SULF1: variants seen among roughly 807,000 people sequenced by gnomAD.
SULF1 encodes sulfatase 1.
A neutral mutation model predicts 110.5 loss-of-function variants in SULF1; 46 were observed. That is an observed-to-expected ratio of 0.42 (90% CI 0.33 to 0.53). The LOEUF (loss-of-function observed/expected upper bound fraction) is 0.53, where lower values mean the gene tolerates loss of function less well. Among genes scored for constraint, SULF1 ranks in the 20% least tolerant of loss-of-function variants. The pLI, the probability that SULF1 is intolerant of heterozygous loss-of-function variation, is 0.12. For synonymous variants in SULF1, 371 were observed against 387.1 expected (o/e 0.96, Z 0.49); for missense variants, 941 against 1,094.2 (o/e 0.86, Z 1.98).
intron 6 of SULF1, among the ~76,000 whole-genome samples, 200 bp from the exon 7 acceptor site, chr8:69,586,157 T>C (rs1806446033): frequency 6.6e-6 from 1 of 152,250 alleles, no homozygotes; most frequent in African/African-American, 2.4e-5. Context: ...TGGATACTAC[T>C]TCTATTTATT....
At chr8:69,532,906 A>T (rs1279927672) in intron 3 of SULF1, among the ~76,000 whole-genome samples, 4 of 152,170 alleles carry the variant, frequency 2.6e-5, no homozygotes, top group Admixed American at 2.6e-4. Context: ...TAGGTATCTC[A>T]TATAAGTGAA....
intron 22 of SULF1, among the ~76,000 whole-genome samples, chr8:69,644,852 G>A (rs1325145212): frequency 2.0e-5 from 3 of 151,752 alleles, no homozygotes; most frequent in Non-Finnish European, 2.9e-5. Context: ...ACAAACCTGC[G>A]CTGTCCTGAT....
chr8:69,550,557 C>A (rs542997632), intron 3 of SULF1, among the ~76,000 whole-genome samples: 1 of 151,490 alleles, frequency 6.6e-6, no homozygotes, highest in Non-Finnish European at 1.5e-5. Flanking sequence ...GAGGAGCTGG[C>A]GATAAAATGA....
intron 1 of SULF1, among the ~76,000 whole-genome samples, chr8:69,467,763 G>A (rs74797884): frequency 3.9e-5 from 6 of 152,084 alleles, no homozygotes; most frequent in Admixed American, 2.6e-4. Context: ...TTAATTAAAC[G>A]TAAATAGATT....
chr8:69,510,676 G>A (rs1207249709), intron 3 of SULF1, among the ~76,000 whole-genome samples: 2 of 148,644 alleles, frequency 1.3e-5, no homozygotes, highest in South Asian at 2.1e-4. Flanking sequence ...CAGTGCAGTC[G>A]TGTGATCTTG....
chr8:69,579,061 T>G (rs1320530714), intron 6 of SULF1, among the ~76,000 whole-genome samples: 1 of 148,382 alleles, frequency 6.7e-6, no homozygotes, highest in Non-Finnish European at 1.5e-5. Context: ...CTTGGGAGGC[T>G]GAGGCAGGAG....
intron 22 of SULF1, among the ~76,000 whole-genome samples, chr8:69,651,679 T>C (rs1812356481): frequency 6.6e-6 from 1 of 152,220 alleles, no homozygotes; most frequent in Admixed American, 6.5e-5. Context: ...ATAGATTTGG[T>C]AAGAATGAAT....
rs576137609 is a variant in SULF1 at position 69,478,984 on chromosome 8, C to T, written c.-391+12034C>T. 3.9e-5 allele frequency among the ~76,000 whole-genome samples: 6 copies of T among 152,252 alleles called. No homozygotes were observed. In the East Asian group the frequency reaches 5.8e-4, roughly 15 times the overall value. ...ATCAGCAGCACATTCACAACTACCC[C>T]GGGCATTCTTTTGACAATGTGGAAG... On this transcript the variant is annotated intron_variant, in intron 1 of 22. Coordinates refer to the SULF1 transcript ENST00000260128.
intron 2 of SULF1, among the ~76,000 whole-genome samples, chr8:69,496,472 T>TA (rs1810366085): frequency 6.6e-6 from 1 of 152,110 alleles, no homozygotes. Flanking sequence ...GCTTTTGCCA[T>TA]AAAAAAAGAA....
chr8:69,638,887 T>A (rs1244380413), intron 21 of SULF1, 29 bp downstream of exon 21: 1 of 1,590,504 alleles, frequency 6.3e-7, no homozygotes, highest in Non-Finnish European at 8.5e-7. Flanking sequence ...TTTTTTCTAT[T>A]TTACCTGGAA....
chr8:69,520,464 T>C (rs1182470401), intron 3 of SULF1, among the ~76,000 whole-genome samples: 5 of 152,146 alleles, frequency 3.3e-5, no homozygotes, highest in Non-Finnish European at 5.9e-5. Context: ...GATCTCCACA[T>C]GAGAGTTAAG....
intron 3 of SULF1, among the ~76,000 whole-genome samples, chr8:69,522,441 T>C (rs775778345): frequency 6.6e-6 from 1 of 151,878 alleles, no homozygotes; most frequent in Non-Finnish European, 1.5e-5. Context: ...GTTGGGGAGA[T>C]AGATAAAGAG....
rs1023355330 is a variant in SULF1, at chr8:69,635,444, C to T, written c.2285-3058C>T. Among the ~76,000 whole-genome samples, 4 of 152,112 alleles carry T rather than the reference C, an allele frequency of 2.6e-5. No homozygotes were observed. The South Asian group carries it at 6.2e-4, about 24-fold the overall frequency. ...ATGCTCTGTACTTTTCCCTCAAAAC[C>T]GCTCTAAAAAATAGTCTATTAAAAT... On this transcript the variant is annotated intron_variant, in intron 19 of 22. Coordinates refer to ENST00000402687, the MANE Select transcript of SULF1 (RefSeq NM_001128205.2).
chr8:69,626,402 A>T (rs1810029514), intron 15 of SULF1, among the ~76,000 whole-genome samples: 1 of 152,246 alleles, frequency 6.6e-6, no homozygotes. Context: ...CACCAGACTC[A>T]GGAGCCCAGC....
At position 69,629,500 on chromosome 8, in the gene SULF1, A is replaced by G; in HGVS notation, c.2109-4A>G. The G allele has an allele frequency of 6.2e-7, 1 of 1,609,248 alleles. No individual in the cohort carries two copies. Among genetic ancestry groups the G allele is most frequent in the Non-Finnish European group, 8.5e-7 (1 of 1,178,052 alleles). On this transcript the variant is annotated splice_polypyrimidine_tract_variant and splice_region_variant and intron_variant, in intron 18 of 22. Transcript: ENST00000402687. ...ACTCAAAATAATCCCTTCTCTTGGA[A>G]CAGGGAGGCTGCTCAGGAAGTAGAT...
intron 6 of SULF1, among the ~76,000 whole-genome samples, chr8:69,577,210 T>C (rs369499787): frequency 2.0e-5 from 3 of 152,218 alleles, no homozygotes; most frequent in Non-Finnish European, 4.4e-5. Flanking sequence ...CTAGGTTACG[T>C]AGAGGTTACA....
At position 69,640,804 on chromosome 8, in the gene SULF1, T is replaced by G; in HGVS notation, c.2552-4T>G. ...GAAATTACTCTTGTATTTTCCTATA[T>G]CAGGAAATAAAGATGGAGGAAGCTA... On this transcript the variant is annotated splice_region_variant and splice_polypyrimidine_tract_variant and intron_variant, in intron 21 of 22. Transcript: ENST00000402687. The G allele has an allele frequency of 1.2e-6, 2 of 1,611,060 alleles. No homozygotes were observed. The highest frequency in any genetic ancestry group is 1.7e-6 in the Non-Finnish European group (2 of 1,178,426).
chr8:69,643,524 T>C (rs935264763), intron 22 of SULF1, among the ~76,000 whole-genome samples: 18 of 152,178 alleles, frequency 1.2e-4, no homozygotes, highest in Non-Finnish European at 2.1e-4. Flanking sequence ...CAGCAGAGCA[T>C]TTTTTTAAAT....
At position 69,638,862 on chromosome 8, in the gene SULF1, AG is replaced by A. The variant is rs1408138573; in HGVS notation, c.2551+6del. On this transcript the variant is annotated splice_donor_5th_base_variant and intron_variant, in intron 21 of 22. Transcript: ENST00000402687. ...AGACCTAAGAATCTTGATGTTGGTA[AG>A]GAAAAAAATACTATTTTTTCTATTT... 6.2e-7 allele frequency: 1 copy of A among 1,600,898 alleles called. No individual in the cohort carries two copies. The highest frequency in any genetic ancestry group is 8.5e-7 in the Non-Finnish European group (1 of 1,176,754).
Sources: allele counts gnomAD v4.1 joint callset (sites outside exome capture counted in the v4.1 genomes callset), GRCh38; gene constraint gnomAD v4.1.1; transcripts MANE v1.5; gene names NCBI Gene and HGNC (gene_info 2026-07-23, HGNC 2026-07-21).